UNK: variants seen among roughly 807,000 people sequenced by gnomAD.
The protein encoded by UNK is RING finger protein unkempt homolog.
In UNK, 32 loss-of-function variants were observed where a neutral mutation model predicts 97.6. That is an observed-to-expected ratio of 0.33 (90% confidence interval 0.25 to 0.44). UNK has a LOEUF of 0.44. Among genes scored for constraint, UNK ranks in the 20% least tolerant of loss-of-function variants. The pLI, the probability that UNK is intolerant of heterozygous loss-of-function variation, is 1.00. For synonymous variants in UNK, 441 were observed against 461.2 expected (o/e 0.96, Z 0.56); for missense variants, 771 against 1,098.4 (o/e 0.70, Z 4.21).
intron 1 of UNK, among the ~76,000 whole-genome samples, chr17:75,802,634 G>A (rs1567799182): frequency 6.6e-6 from 1 of 152,140 alleles, no homozygotes; most frequent in Non-Finnish European, 1.5e-5. Context: ...GGCTACAACT[G>A]AAGCAGGTTT....
At chr17:75,801,853 T>G (rs1475689217) in intron 1 of UNK, among the ~76,000 whole-genome samples, 1 of 132,910 alleles carries the variant, frequency 7.5e-6, no homozygotes, top group African/African-American at 3.0e-5. Flanking sequence ...CCCCCCAGCC[T>G]TTTTTTTTTT....
At chr17:75,809,132 A>G (rs1043210334) in intron 1 of UNK, 1 of 151,860 alleles carries the variant, frequency 6.6e-6, no homozygotes, top group African/African-American at 2.4e-5. Context: ...TCAGAACTTC[A>G]GTATGAGATT....
chr17:75,812,102 CGTG>C lies in UNK; in HGVS notation c.315-9_315-7del, dbSNP rs2061975015. The C allele has an allele frequency of 1.9e-6, 3 of 1,588,564 alleles. No homozygotes were observed. In the Admixed American group the frequency reaches 5.2e-5, roughly 27 times the overall value. On this transcript the variant is annotated splice_region_variant and splice_polypyrimidine_tract_variant and intron_variant, in intron 2 of 15. Coordinates refer to ENST00000589666, the MANE Select transcript of UNK (RefSeq NM_001080419.3). The stretch of plus-strand genomic sequence containing the variant: ...AGCAAAGTTGAGTGACCCCCACTAC[CGTG>C]TTCCAGGTGCCCATTCCTGCACAGA...
intron 5 of UNK, 139 bp from the exon 6 acceptor site, chr17:75,813,622 C>T (rs1449196686): frequency 9.6e-6 from 7 of 726,702 alleles, no homozygotes; most frequent in African/African-American, 1.8e-5. Context: ...TGGCTTGTGG[C>T]ACCAGCAAGG....
chr17:75,785,818 T>A (rs2061704771), intron 1 of UNK: 1 of 152,252 alleles, frequency 6.6e-6, no homozygotes. Context: ...GTTTCTCCTG[T>A]TAAGCAAAAT....
chr17:75,793,542 C>T, intron 1 of UNK: 1 of 985,220 alleles, frequency 1.0e-6, no homozygotes, highest in Non-Finnish European at 1.2e-6. Context: ...GTGAGGTGAC[C>T]TTTTTTCCTG....
intron 13 of UNK, among the ~76,000 whole-genome samples, chr17:75,820,821 G>T (rs2062060944): frequency 2.6e-5 from 4 of 152,168 alleles, no homozygotes; most frequent in African/African-American, 9.7e-5. Context: ...GCAGACACCA[G>T]GAGCTCCCTC....
At chr17:75,813,904 G>A (rs1480985544) in intron 6 of UNK, 26 bp downstream of exon 6, 2 of 1,539,582 alleles carry the variant, frequency 1.3e-6, no homozygotes, top group African/African-American at 1.4e-5. Context: ...GGGTGGGGGG[G>A]TGGCTTTGGG....
chr17:75,788,600 C>T (rs1196832593), intron 1 of UNK, among the ~76,000 whole-genome samples: 2 of 152,206 alleles, frequency 1.3e-5, no homozygotes, highest in Admixed American at 6.5e-5. Context: ...GATCTGCCCG[C>T]CTCGGCCTCC....
intron 1 of UNK, among the ~76,000 whole-genome samples, chr17:75,795,330 G>A (rs531345085): frequency 3.1e-4 from 47 of 151,998 alleles, no homozygotes; most frequent in South Asian, 1.5e-3. Context: ...TTTTGTTGTT[G>A]TTGTTGTTGT....
At chr17:75,808,048 G>T (rs1434104126) in intron 1 of UNK, among the ~76,000 whole-genome samples, 5 of 152,014 alleles carry the variant, frequency 3.3e-5, no homozygotes, top group African/African-American at 1.2e-4. Context: ...TGTGTTCCTG[G>T]CTCGGGGCCC....
At chr17:75,794,542 G>T (rs556545966) in intron 1 of UNK, among the ~76,000 whole-genome samples, 1 of 152,002 alleles carries the variant, frequency 6.6e-6, no homozygotes, top group Admixed American at 6.6e-5. Context: ...GGAGGCTGAG[G>T]CAGGAGAATC....
In UNK at chr17:75,824,492, A is replaced by C; in HGVS notation, c.*75A>C. The C allele has an allele frequency of 3.2e-6, 3 of 944,440 alleles. No individual in the cohort carries two copies. Among genetic ancestry groups the C allele is most frequent in the Non-Finnish European group, 4.0e-6 (3 of 743,688 alleles). The allele number at this position is 944,440 out of a possible 1,614,324, so 58.5% of individuals were successfully genotyped here. A position where few individuals can be genotyped will look rare whatever the true frequency, so the allele number is the denominator to read the frequency against. The stretch of plus-strand genomic sequence containing the variant: ...TTAAAGTATATATATATATATGAAT[A>C]TATATATATATGTGTATGTATGTAT... On this transcript the variant is annotated 3_prime_UTR_variant, in exon 16 of 16. Transcript: ENST00000589666. The surrounding 1 kb of genome is among the most constrained non-coding windows in gnomAD (Gnocchi z 4.9).
chr17:75,795,425 C>T (rs565233774), intron 1 of UNK, among the ~76,000 whole-genome samples: 40 of 152,030 alleles, frequency 2.6e-4, no homozygotes, highest in East Asian at 1.4e-3. Flanking sequence ...CTGCAACCTC[C>T]GCCTCCCGGG....
In UNK at chr17:75,817,978, A is replaced by AT. The variant is rs2062032140; in HGVS notation, c.1306-124dup. 1.2e-6 allele frequency: 1 copy of AT among 863,670 alleles called. No homozygotes were observed. The allele number at this position is 863,670 out of a possible 1,614,324, so 53.5% of individuals were successfully genotyped here. Reference sequence around the variant, plus strand: ...TGGGGAGGAAGAAGGGGGTGTGTGCATGCATGTGAAGAGGGGTTGCATGTC... The same window carrying AT: ...TGGGGAGGAAGAAGGGGGTGTGTGCATTGCATGTGAAGAGGGGTTGCATGTC... On this transcript the variant is annotated intron_variant, in intron 9 of 15. Coordinates refer to ENST00000589666, the MANE Select transcript of UNK (RefSeq NM_001080419.3). This position sits in a 1 kb window ranked among gnomAD's most constrained non-coding sequence, Gnocchi z 5.8.
chr17:75,813,900 G>A (rs541954157), intron 6 of UNK, 22 bp downstream of exon 6: 1 of 1,546,624 alleles, frequency 6.5e-7, no homozygotes, highest in Non-Finnish European at 8.7e-7. Flanking sequence ...AGCAGGGTGG[G>A]GGGGTGGCTT....
chr17:75,797,519 G>C (rs2061817487), intron 1 of UNK, among the ~76,000 whole-genome samples: 1 of 152,260 alleles, frequency 6.6e-6, no homozygotes, highest in East Asian at 1.9e-4. Flanking sequence ...ACAGGCATGA[G>C]CTACCACACC....
At chr17:75,791,651 C>T in intron 1 of UNK, 1 of 793,348 alleles carries the variant, frequency 1.3e-6, no homozygotes, top group Non-Finnish European at 1.5e-6. Context: ...TGTTAAGTGC[C>T]CTTGCTAAGG....
intron 1 of UNK, among the ~76,000 whole-genome samples, chr17:75,788,671 A>AT (rs888819187): frequency 2.1e-4 from 32 of 149,862 alleles, no homozygotes; most frequent in Admixed American, 2.0e-3. Context: ...TTTATTTTTA[A>AT]TTTTTTTTTT....
Sources: allele counts gnomAD v4.1 joint callset (sites outside exome capture counted in the v4.1 genomes callset), GRCh38; gene constraint gnomAD v4.1.1; non-coding constraint Gnocchi (gnomAD v3.1); transcripts MANE v1.5; gene names NCBI Gene and HGNC (gene_info 2026-07-23, HGNC 2026-07-21).